USP40: variants seen among roughly 807,000 people sequenced by gnomAD.
USP40 encodes the protein ubiquitin carboxyl-terminal hydrolase 40.
In USP40, 143 loss-of-function variants were observed where a neutral mutation model predicts 166.2. That is an observed-to-expected ratio of 0.86 (90% CI 0.75 to 0.99). The LOEUF is 0.99. Among genes scored for constraint, USP40 ranks in the 50% least tolerant of loss-of-function variants. USP40 has a pLI of 0.00. For synonymous variants in USP40, 498 were observed against 524.0 expected (o/e 0.95, Z 0.68); for missense variants, 1,444 against 1,479.7 (o/e 0.98, Z 0.40).
intron 24 of USP40, among the ~76,000 whole-genome samples, chr2:233,495,455 C>T (rs912635924): frequency 1.3e-5 from 2 of 151,648 alleles, no homozygotes; most frequent in Non-Finnish European, 2.9e-5. Context: ...CAGGGTTTCA[C>T]CATGTTGCCA....
intron 26 of USP40, 113 bp from the exon 27 acceptor site, chr2:233,489,596 T>C (rs1476682089): frequency 2.5e-6 from 2 of 799,100 alleles, no homozygotes; most frequent in Admixed American, 2.9e-5. Context: ...GGAAAGAGTA[T>C]CTCAAGTAAT....
chr2:233,496,710 G>GTA lies in USP40; in HGVS notation c.2790+47_2790+48insTA. The GTA allele has an allele frequency of 5.3e-6, 8 of 1,502,102 alleles. 1 individual carries two copies. The Middle Eastern group carries it at 1.3e-3, about 250-fold the overall frequency. 93.0% of individuals were successfully genotyped at this position (1,502,102 alleles called of 1,614,324 possible). ...TGAGGCTGTATCATCTCTGTAATCAGATAACAATTATTACTTAAGAGTTGT... is the reference window on the plus strand; with the variant it reads ...TGAGGCTGTATCATCTCTGTAATCAGTAATAACAATTATTACTTAAGAGTTGT... On this transcript the variant is annotated intron_variant, in intron 24 of 31. Coordinates refer to ENST00000678225, the MANE Select transcript of USP40 (RefSeq NM_001365479.2).
chr2:233,503,497 A>G (rs2066217677), intron 21 of USP40, among the ~76,000 whole-genome samples: 2 of 152,208 alleles, frequency 1.3e-5, no homozygotes, highest in African/African-American at 4.8e-5. Flanking sequence ...CTCAAAAGTT[A>G]AAGACAAAAA....
intron 7 of USP40, among the ~76,000 whole-genome samples, chr2:233,550,685 C>T (rs1184192872): frequency 6.6e-6 from 1 of 152,118 alleles, no homozygotes; most frequent in East Asian, 1.9e-4. Flanking sequence ...AATAATTACT[C>T]TTTTCACCCA....
Position 233,496,829 on chromosome 2 carries a change from C to T in USP40, c.2719G>A (p.Ala907Thr). 1 of 1,611,702 alleles carries T rather than the reference C, an allele frequency of 6.2e-7. No individual in the cohort carries two copies. Among genetic ancestry groups the T allele is most frequent in the Non-Finnish European group, 8.5e-7 (1 of 1,179,046 alleles). Reference protein sequence around the residue: ...EAGEPLCEEDATLKELLICSG... With the variant: ...EAGEPLCEEDTTLKELLICSG... ...CATATCAGAAGTTCTTTCAGTGTTG[C>T]ATCCTGGGAAGACAAAAATGCTTTT... Residue 907 changes from alanine to threonine, a missense_variant, in exon 24 of 32, where the codon GCA becomes ACA. Ala to Thr is a moderately conservative substitution (Grantham distance 58). Transcript: ENST00000678225.
chr2:233,533,906 G>C (rs1479798773), intron 10 of USP40, 127 bp from the exon 11 acceptor site: 4 of 976,234 alleles, frequency 4.1e-6, no homozygotes, highest in Non-Finnish European at 5.8e-6. Context: ...GACCTGGCCA[G>C]CTACGGGGGA....
At chr2:233,479,652 T>TGC (rs2064430982) in intron 31 of USP40, among the ~76,000 whole-genome samples, 1 of 151,828 alleles carries the variant, frequency 6.6e-6, no homozygotes. Flanking sequence ...TGTGTGTGTG[T>TGC]GTGTGTGTCT....
Position 233,477,328 on chromosome 2 carries a change from G to A in USP40, c.*64C>T. ...GCCAGGCAGCCAGTCCCCATGCCCA[G>A]GAAACCCACGTTTGTGGCATCAGCC... On this transcript the variant is annotated 3_prime_UTR_variant, in exon 32 of 32. Transcript: ENST00000678225. The A allele has an allele frequency of 6.6e-7, 1 of 1,517,852 alleles. No individual in the cohort carries two copies. The highest frequency in any genetic ancestry group is 9.0e-7 in the Non-Finnish European group (1 of 1,108,292). 94.0% of individuals were successfully genotyped at this position (1,517,852 alleles called of 1,614,324 possible).
At chr2:233,531,275 AAT>A (rs2068505330) in intron 11 of USP40, among the ~76,000 whole-genome samples, 2 of 152,138 alleles carry the variant, frequency 1.3e-5, no homozygotes, top group African/African-American at 4.8e-5. Context: ...TAACTTTATA[AAT>A]ATGTTTTTAC....
intron 21 of USP40, among the ~76,000 whole-genome samples, chr2:233,505,383 A>G (rs1467236329): frequency 1.3e-5 from 2 of 152,150 alleles, no homozygotes; most frequent in African/African-American, 4.8e-5. Flanking sequence ...ACAATTCAAA[A>G]GAGAAACAAA....
chr2:233,505,968 T>C (rs1097931), intron 21 of USP40, among the ~76,000 whole-genome samples: 38,989 of 151,962 alleles, frequency 0.26, 5,528 homozygotes, highest in African/African-American at 0.38. Context: ...AGACCATTCA[T>C]AATTATCAAG....
chr2:233,487,235 T>C (rs1191911005), intron 28 of USP40, among the ~76,000 whole-genome samples: 1 of 152,186 alleles, frequency 6.6e-6, no homozygotes, highest in East Asian at 1.9e-4. Flanking sequence ...TTTGCAAAAA[T>C]GCCTGAACTT....
At chr2:233,532,535 C>T (rs2068623333) in intron 11 of USP40, among the ~76,000 whole-genome samples, 1 of 152,214 alleles carries the variant, frequency 6.6e-6, no homozygotes, top group Admixed American at 6.5e-5. Flanking sequence ...GCTCAGGCTG[C>T]TTCCACACTG....
rs2064915217 is a variant in USP40, at chr2:233,485,881, C to T, written c.3294G>A (p.Gly1098=). The T allele has an allele frequency of 6.2e-7, 1 of 1,606,576 alleles. No individual in the cohort carries two copies. Among genetic ancestry groups the T allele is most frequent in the Non-Finnish European group, 8.5e-7 (1 of 1,176,814 alleles). Reference sequence around the variant, plus strand: ...CTCTCTGCCTCAGGGAGCCGGCAGTCCCACCCTGGGCCGCGTTCCACACCA... The same window carrying T: ...CTCTCTGCCTCAGGGAGCCGGCAGTTCCACCCTGGGCCGCGTTCCACACCA... The part of the protein sequence containing the change: ...LDLVWNAAQG[G]TAGSLRQRVA... The change falls in exon 29 of 32, where the codon GGG becomes GGA. Residue 1098 remains glycine, a synonymous_variant. Coordinates refer to ENST00000678225, the MANE Select transcript of USP40 (RefSeq NM_001365479.2).
rs561081161 is a variant in USP40, at chr2:233,477,174, C to T, written c.*218G>A. 8.8e-5 allele frequency: 49 copies of T among 554,628 alleles called. No individual in the cohort carries two copies. Among genetic ancestry groups the T allele is most frequent in the African/African-American group, 5.5e-4 (29 of 52,984 alleles). The allele number at this position is 554,628 out of a possible 1,614,324, so 34.4% of individuals were successfully genotyped here. On this transcript the variant is annotated 3_prime_UTR_variant, in exon 32 of 32. Coordinates refer to ENST00000678225, the MANE Select transcript of USP40 (RefSeq NM_001365479.2). Reference sequence around the variant, plus strand: ...CAGCACCTACTGGCAGCTGGGTGGGCGACATCCAGAGCTGCACCAGCCCCC... The same window carrying T: ...CAGCACCTACTGGCAGCTGGGTGGGTGACATCCAGAGCTGCACCAGCCCCC...
intron 4 of USP40, among the ~76,000 whole-genome samples, chr2:233,558,299 T>G (rs562939719): frequency 6.6e-6 from 1 of 151,228 alleles, no homozygotes; most frequent in South Asian, 2.1e-4. Context: ...TTCACAGCAT[T>G]AAGAAGAAAC....
Position 233,556,301 on chromosome 2 carries a change from A to G in USP40, c.546+554T>C, listed in dbSNP as rs548266417. ...AGCAAATTTCCAATTTCTAATTTCC[A>G]ATTAGATTAAATGGGCAATATGTGT... is the stretch of plus-strand genomic sequence containing the variant. On this transcript the variant is annotated intron_variant, in intron 5 of 31. Transcript: ENST00000678225. 3.9e-5 allele frequency among the ~76,000 whole-genome samples: 6 copies of G among 152,208 alleles called. No individual in the cohort carries two copies. The South Asian group carries it at 1.2e-3, about 32-fold the overall frequency.
intron 9 of USP40, among the ~76,000 whole-genome samples, chr2:233,541,107 G>A (rs1545524): frequency 0.87 from 131,948 of 152,214 alleles, 57,456 homozygotes; most frequent in East Asian, 0.99. Flanking sequence ...TTTTGGAAGA[G>A]ATACGTAAGT....
chr2:233,480,809 CAG>C lies in USP40; in HGVS notation c.3599+392_3599+393del, dbSNP rs1168901277. ...AACCTTGGAGAGAGCGGGAGAAGGA[CAG>C]GGAGCCCGCAGCAGGGCTGAGGTGG... On this transcript the variant is annotated intron_variant, in intron 31 of 31. Transcript: ENST00000678225. The surrounding 1 kb of genome is among the most constrained non-coding windows in gnomAD (Gnocchi z 4.5). Among the ~76,000 whole-genome samples the C allele has an allele frequency of 6.6e-6, 1 of 152,128 alleles. No individual in the cohort carries two copies. Among genetic ancestry groups the C allele is most frequent in the Non-Finnish European group, 1.5e-5 (1 of 68,020 alleles).
Sources: allele counts gnomAD v4.1 joint callset (sites outside exome capture counted in the v4.1 genomes callset), GRCh38; gene constraint gnomAD v4.1.1; non-coding constraint Gnocchi (gnomAD v3.1); transcripts MANE v1.5; gene names NCBI Gene and HGNC (gene_info 2026-07-23, HGNC 2026-07-21).